U2AF2: variants seen among roughly 807,000 people sequenced by gnomAD.
The protein encoded by U2AF2 is U2 small nuclear RNA auxiliary factor 2.
A neutral mutation model predicts 52.6 loss-of-function variants in U2AF2; 6 were observed. The observed-to-expected ratio is 0.11, with a 90% CI of 0.06 to 0.23. The LOEUF is 0.23. Among genes scored for constraint, U2AF2 ranks in the 10% least tolerant of loss-of-function variants. The pLI, the probability that U2AF2 is intolerant of heterozygous loss-of-function variation, is 1.00. For missense variants in U2AF2, 222 were observed against 677.1 expected (o/e 0.33, Z 7.46); for synonymous variants, 284 against 258.2 (o/e 1.10, Z -0.96).
chr19:55,666,143 G>A (rs1008429853), intron 7 of U2AF2, among the ~76,000 whole-genome samples: 8 of 152,200 alleles, frequency 5.3e-5, no homozygotes, highest in African/African-American at 1.9e-4. Context: ...TGAGCTGAGG[G>A]CAACCCAGTG....
intron 4 of U2AF2, 132 bp downstream of exon 4, chr19:55,660,751 C>G: frequency 3.2e-6 from 3 of 939,260 alleles, no homozygotes; most frequent in Non-Finnish European, 4.7e-6. Flanking sequence ...CCTGGGGGTT[C>G]TGGTCTCTGC....
rs530188416 is a variant in U2AF2 at position 55,660,280 on chromosome 19, C to G, written c.230+59C>G. On this transcript the variant is annotated intron_variant, in intron 3 of 11. Transcript: ENST00000308924. ...GTCCACTCCCTTCACCTTCCTCACG[C>G]CCGTGCACCCTGTCCCGCCCATTTC... is the stretch of plus-strand genomic sequence containing the variant. 121 of 1,572,022 alleles carry G rather than the reference C, an allele frequency of 7.7e-5. 1 individual carries two copies. The East Asian group carries it at 2.4e-3, about 32-fold the overall frequency.
chr19:55,665,282 G>A (rs988771289), intron 7 of U2AF2, among the ~76,000 whole-genome samples: 10 of 151,768 alleles, frequency 6.6e-5, no homozygotes, highest in African/African-American at 1.9e-4. Flanking sequence ...GCAGTTCTAC[G>A]ACACAGGGAT....
chr19:55,668,974 C>A lies in U2AF2; in HGVS notation c.946-109C>A. On this transcript the variant is annotated intron_variant, in intron 9 of 11. Coordinates refer to ENST00000308924, the MANE Select transcript of U2AF2 (RefSeq NM_007279.3). This position sits in a 1 kb window ranked among gnomAD's most constrained non-coding sequence, Gnocchi z 5.5. ...TTTTCCAGGCTCTTAATCCCCTTTG[C>A]CTTCCCCTCTTCCCCCACCAATGCC... 6.7e-7 allele frequency: 1 copy of A among 1,484,778 alleles called. No homozygotes were observed. 92.0% of individuals were successfully genotyped at this position (1,484,778 alleles called of 1,614,324 possible). A position where few individuals can be genotyped will look rare whatever the true frequency, so the allele number is the denominator to read the frequency against.
intron 1 of U2AF2, among the ~76,000 whole-genome samples, chr19:55,658,475 G>A (rs995896341): frequency 1.3e-5 from 2 of 152,110 alleles, no homozygotes; most frequent in Admixed American, 6.5e-5. Context: ...AGAGATACCC[G>A]CCCCTACTCA....
At chr19:55,655,481 T>G (rs1983726284) in intron 1 of U2AF2, among the ~76,000 whole-genome samples, 1 of 152,246 alleles carries the variant, frequency 6.6e-6, no homozygotes, top group Admixed American at 6.5e-5. Context: ...TTTAAAATCT[T>G]TTTGGTTTCT....
chr19:55,655,087 C>G lies in U2AF2; in HGVS notation c.-18C>G, dbSNP rs370820466. 1.9e-6 allele frequency: 3 copies of G among 1,606,016 alleles called. No homozygotes were observed. On this transcript the variant is annotated 5_prime_UTR_variant, in exon 1 of 12. Transcript: ENST00000308924. Reference sequence around the variant, plus strand: ...GGCGAGGCGAAAGCTGCACAGGGCCCTACGCGGCCGCCTCAGCATGTCGGA... The same window carrying G: ...GGCGAGGCGAAAGCTGCACAGGGCCGTACGCGGCCGCCTCAGCATGTCGGA...
At chr19:55,655,235 T>C (rs1468308886) in intron 1 of U2AF2, 82 bp downstream of exon 1, 1 of 1,461,090 alleles carries the variant, frequency 6.8e-7, no homozygotes, top group Non-Finnish European at 9.3e-7. Context: ...TCTCCCTCGC[T>C]TCCCCCCACT....
At chr19:55,657,372 G>A (rs986804450) in intron 1 of U2AF2, among the ~76,000 whole-genome samples, 1 of 152,190 alleles carries the variant, frequency 6.6e-6, no homozygotes, top group Non-Finnish European at 1.5e-5. Flanking sequence ...TTGTCTCTGC[G>A]GAGGACGGGC....
chr19:55,658,961 G>A (rs1283380544), intron 1 of U2AF2: 2 of 450,636 alleles, frequency 4.4e-6, no homozygotes, highest in African/African-American at 2.0e-5. Flanking sequence ...TGGCTCCCCA[G>A]CTCCTCCTGA....
intron 2 of U2AF2, 40 bp from the exon 3 acceptor site, chr19:55,660,137 C>T (rs770872122): frequency 3.8e-6 from 6 of 1,583,300 alleles, no homozygotes; most frequent in Non-Finnish European, 5.2e-6. Flanking sequence ...ACGAGGGTCC[C>T]CAGTCACCCC....
At chr19:55,672,636 T>C (rs1369497629) in intron 11 of U2AF2, among the ~76,000 whole-genome samples, 2 of 152,202 alleles carry the variant, frequency 1.3e-5, no homozygotes, top group Non-Finnish European at 2.9e-5. Flanking sequence ...CCTTAAAAAA[T>C]TGTTTTGTTT....
At chr19:55,661,548 A>G (rs1984203208) in intron 5 of U2AF2, among the ~76,000 whole-genome samples, 1 of 147,574 alleles carries the variant, frequency 6.8e-6, no homozygotes, top group East Asian at 2.0e-4. Flanking sequence ...ACACAGACGC[A>G]CGCTGCCCCT....
In U2AF2 at chr19:55,657,774, G is replaced by A. The variant is rs144358779; in HGVS notation, c.50-1436G>A. ...GATCCACATTCGAGAGTATGGCCTCGTGCTTAACTCACTGATGTCAGAGTG... is the reference window on the plus strand; with the variant it reads ...GATCCACATTCGAGAGTATGGCCTCATGCTTAACTCACTGATGTCAGAGTG... On this transcript the variant is annotated intron_variant, in intron 1 of 11. Transcript: ENST00000308924. Among the ~76,000 whole-genome samples the A allele has an allele frequency of 3.4e-3, 517 of 152,232 alleles. 2 individuals are homozygous for A. Among genetic ancestry groups the A allele is most frequent in the Non-Finnish European group, 5.5e-3 (371 of 68,022 alleles).
intron 4 of U2AF2, 23 bp downstream of exon 4, chr19:55,660,642 C>T (rs200893985): frequency 3.7e-6 from 6 of 1,605,364 alleles, no homozygotes; most frequent in African/African-American, 2.7e-5. Context: ...CCAGGCTGCT[C>T]CCAGAGCGGG....
In U2AF2 at chr19:55,662,479, CTTGT is replaced by C; in HGVS notation, c.487-22_487-19del. On this transcript the variant is annotated intron_variant, in intron 5 of 11. Coordinates refer to ENST00000308924, the MANE Select transcript of U2AF2 (RefSeq NM_007279.3). Reference sequence around the variant, plus strand: ...CCACCTCCCTTCCCCCGCCCCCCCCCTTGTCTCCTATTCCCTCTGCAGGAGGCCA... The same window carrying C: ...CCACCTCCCTTCCCCCGCCCCCCCCCCTCCTATTCCCTCTGCAGGAGGCCA... The C allele has an allele frequency of 4.8e-6, 7 of 1,457,202 alleles. No individual in the cohort carries two copies. The highest frequency in any genetic ancestry group is 3.7e-5 in the South Asian group (3 of 81,702). The allele number at this position is 1,457,202 out of a possible 1,614,324, so 90.3% of individuals were successfully genotyped here.
At chr19:55,665,295 G>A (rs1984476566) in intron 7 of U2AF2, among the ~76,000 whole-genome samples, 3 of 151,454 alleles carry the variant, frequency 2.0e-5, no homozygotes, top group Admixed American at 2.0e-4. Context: ...ACAGGGATTG[G>A]CGCTGTCCTA....
chr19:55,673,863 G>C (rs1165556679), intron 11 of U2AF2, 71 bp from the exon 12 acceptor site: 1 of 1,551,108 alleles, frequency 6.4e-7, no homozygotes, highest in Non-Finnish European at 8.7e-7. Flanking sequence ...TTCAGTGCTG[G>C]GGTTGGGTGG....
rs558594970 is a variant in U2AF2, at chr19:55,666,264, G to A, written c.743-2243G>A. Among the ~76,000 whole-genome samples, 7 of 152,312 alleles carry A rather than the reference G, an allele frequency of 4.6e-5. No homozygotes were observed. The East Asian group carries it at 1.2e-3, about 25-fold the overall frequency. On this transcript the variant is annotated intron_variant, in intron 7 of 11. Transcript: ENST00000308924. ...ATGAGGAAAGAGCTTCGGGACAATG[G>A]GGATCCCTGCTGGGTCTTCCCCACA...
Sources: allele counts gnomAD v4.1 joint callset (sites outside exome capture counted in the v4.1 genomes callset), GRCh38; gene constraint gnomAD v4.1.1; non-coding constraint Gnocchi (gnomAD v3.1); transcripts MANE v1.5; gene names NCBI Gene and HGNC (gene_info 2026-07-23, HGNC 2026-07-21).